The following PIEZO2 variants were observed in gnomAD, a reference collection of about 807,000 sequenced individuals.
The protein encoded by PIEZO2 is piezo-type mechanosensitive ion channel component 2.
In PIEZO2, 172 loss-of-function variants were observed where a neutral mutation model predicts 337.3. That is an observed-to-expected ratio of 0.51 (90% CI 0.45 to 0.58). PIEZO2 has a LOEUF of 0.58. PIEZO2 is among the 20% of genes least tolerant of loss of function. The pLI is 0.00. For missense variants in PIEZO2, 3,028 were observed against 3,391.3 expected (o/e 0.89, Z 2.66); for synonymous variants, 1,251 against 1,228.5 (o/e 1.02, Z -0.38).
chr18:10,835,746 G>C (rs1160680063), intron 7 of PIEZO2, among the ~76,000 whole-genome samples: 1 of 152,234 alleles, frequency 6.6e-6, no homozygotes, highest in Non-Finnish European at 1.5e-5. Context: ...ATTTCGCCAT[G>C]TTGGCCAGGC....
In PIEZO2 at chr18:11,016,510, C is replaced by G. The variant is rs983445553; in HGVS notation, c.161-36850G>C. ...TGGGTATGAGGGGGGTCGGGTTAAG[C>G]GGCTTAACAAAGAGGTGTGCCCGAG... On this transcript the variant is annotated intron_variant, in intron 2 of 55. Transcript: ENST00000674853. This position sits in a 1 kb window ranked among gnomAD's most constrained non-coding sequence, Gnocchi z 5.6. Among the ~76,000 whole-genome samples, 3 of 152,070 alleles carry G rather than the reference C, an allele frequency of 2.0e-5. No individual in the cohort carries two copies. The highest frequency in any genetic ancestry group is 7.2e-5 in the African/African-American group (3 of 41,410).
rs2033382098 is a variant in PIEZO2, at chr18:10,953,420, T to G, written c.286+26115A>C. Among the ~76,000 whole-genome samples the G allele has an allele frequency of 6.6e-6, 1 of 152,218 alleles. No homozygotes were observed. The highest frequency in any genetic ancestry group is 2.4e-5 in the African/African-American group (1 of 41,460). On this transcript the variant is annotated intron_variant, in intron 3 of 55. Coordinates refer to ENST00000674853, the MANE Select transcript of PIEZO2 (RefSeq NM_001378183.1). This position sits in a 1 kb window ranked among gnomAD's most constrained non-coding sequence, Gnocchi z 5.2. Reference sequence around the variant, plus strand: ...TATGATTTGTTTTGAGTTAATTAATTTTTGTATATGGAGCAAATTAAGAAT... The same window carrying G: ...TATGATTTGTTTTGAGTTAATTAATGTTTGTATATGGAGCAAATTAAGAAT...
chr18:10,818,216 T>G (rs1196674868), intron 7 of PIEZO2, among the ~76,000 whole-genome samples: 1 of 152,148 alleles, frequency 6.6e-6, no homozygotes, highest in Non-Finnish European at 1.5e-5. Flanking sequence ...AGATTAGATA[T>G]AAGAAATTTC....
At chr18:10,761,866 A>G (rs2038149123) in intron 23 of PIEZO2, among the ~76,000 whole-genome samples, 1 of 152,258 alleles carries the variant, frequency 6.6e-6, no homozygotes. Flanking sequence ...CATGATTAGG[A>G]CTGCTCAGAT....
At chr18:10,972,167 C>T (rs1280702500) in intron 3 of PIEZO2, among the ~76,000 whole-genome samples, 6 of 117,594 alleles carry the variant, frequency 5.1e-5, no homozygotes, top group East Asian at 2.2e-4. Flanking sequence ...AGCGAGACTC[C>T]GCCTCAAAAA....
At chr18:10,683,579 C>T (rs1388291708) in intron 49 of PIEZO2, among the ~76,000 whole-genome samples, 1 of 152,114 alleles carries the variant, frequency 6.6e-6, no homozygotes, top group Non-Finnish European at 1.5e-5. Flanking sequence ...TCCCGATTTT[C>T]TATATTGAAA....
Position 10,943,485 on chromosome 18 carries a change from G to A in PIEZO2, c.287-32257C>T, listed in dbSNP as rs926050472. On this transcript the variant is annotated intron_variant, in intron 3 of 55. Coordinates refer to ENST00000674853, the MANE Select transcript of PIEZO2 (RefSeq NM_001378183.1). The surrounding 1 kb of genome is among the most constrained non-coding windows in gnomAD (Gnocchi z 4.5). ...CCCTGCTGGATTTCAGACTTGCATGGGGCCTGTAGCACCTTAGTTTTGGCC... is the reference window on the plus strand; with the variant it reads ...CCCTGCTGGATTTCAGACTTGCATGAGGCCTGTAGCACCTTAGTTTTGGCC... Among the ~76,000 whole-genome samples, 1 of 152,166 alleles carries A rather than the reference G, an allele frequency of 6.6e-6. No individual in the cohort carries two copies. Among genetic ancestry groups the A allele is most frequent in the African/African-American group, 2.4e-5 (1 of 41,436 alleles).
chr18:11,103,806 TGTGC>T (rs1402951321), intron 1 of PIEZO2, among the ~76,000 whole-genome samples: 36 of 144,006 alleles, frequency 2.5e-4, no homozygotes, highest in African/African-American at 8.7e-4. Flanking sequence ...TGTGTGTGTG[TGTGC>T]GTGTGTGCGT....
chr18:11,060,427 T>G (rs558784475), intron 2 of PIEZO2, among the ~76,000 whole-genome samples: 29 of 151,982 alleles, frequency 1.9e-4, no homozygotes, highest in African/African-American at 6.8e-4. Context: ...CTGAAGGAGA[T>G]AGAGACCAAA....
intron 18 of PIEZO2, among the ~76,000 whole-genome samples, chr18:10,774,998 C>T (rs1253883503): frequency 6.6e-6 from 1 of 152,054 alleles, no homozygotes; most frequent in Non-Finnish European, 1.5e-5. Flanking sequence ...GTAAACATGC[C>T]TATCATTTTG....
At chr18:10,763,145 A>G in intron 21 of PIEZO2, 47 bp from the exon 22 acceptor site, 2 of 1,509,198 alleles carry the variant, frequency 1.3e-6, no homozygotes, top group Non-Finnish European at 1.8e-6. Context: ...GTAACACGGC[A>G]TAACAAACAG....
At chr18:10,924,237 T>G (rs1475868380) in intron 3 of PIEZO2, among the ~76,000 whole-genome samples, 1 of 152,228 alleles carries the variant, frequency 6.6e-6, no homozygotes, top group East Asian at 1.9e-4. Context: ...CTTTTTAATT[T>G]GGCGCACCGT....
In PIEZO2 at chr18:10,727,964, A is replaced by T. The variant is rs1419716276; in HGVS notation, c.5029+3443T>A. 1 of 152,146 alleles carries T rather than the reference A, an allele frequency of 6.6e-6. No individual in the cohort carries two copies. Among genetic ancestry groups the T allele is most frequent in the East Asian group, 1.9e-4 (1 of 5,188 alleles). The allele number at this position is 152,146 out of a possible 1,614,324, so 9.4% of individuals were successfully genotyped here. A position where few individuals can be genotyped will look rare whatever the true frequency, so the allele number is the denominator to read the frequency against. On this transcript the variant is annotated intron_variant, in intron 36 of 55. Transcript: ENST00000674853. The surrounding 1 kb of genome is among the most constrained non-coding windows in gnomAD (Gnocchi z 6.3). ...ATTAAAACAGTAATAACAAAAAAAA[A>T]AAAGAAAAAAGAAAAAAAGGGATAA... is the stretch of plus-strand genomic sequence containing the variant.
chr18:10,706,903 C>T (rs2035609756), intron 40 of PIEZO2, among the ~76,000 whole-genome samples: 1 of 152,150 alleles, frequency 6.6e-6, no homozygotes, highest in African/African-American at 2.4e-5. Context: ...CACTGAGATT[C>T]TCAAATGCAT....
In PIEZO2 at chr18:10,670,653, G is replaced by A. The variant is rs2033730141; in HGVS notation, c.*874C>T. 1 of 152,316 alleles carries A rather than the reference G, an allele frequency of 6.6e-6. No individual in the cohort carries two copies. Among genetic ancestry groups the A allele is most frequent in the African/African-American group, 2.4e-5 (1 of 41,428 alleles). 9.4% of individuals were successfully genotyped at this position (152,316 alleles called of 1,614,324 possible). On this transcript the variant is annotated 3_prime_UTR_variant, in exon 56 of 56. Transcript: ENST00000674853. ...ATGGGAAAAAGCACGTTAAGGGAAGGGGAAGGCAGAAGAGCGGTCCTGACC... is the reference window on the plus strand; with the variant it reads ...ATGGGAAAAAGCACGTTAAGGGAAGAGGAAGGCAGAAGAGCGGTCCTGACC...
chr18:10,788,960 T>A, intron 15 of PIEZO2, 119 bp downstream of exon 15: 1 of 1,161,632 alleles, frequency 8.6e-7, no homozygotes, highest in Admixed American at 3.1e-5. Flanking sequence ...GATGTTTGAA[T>A]CTTGCCAATC....
Position 11,001,220 on chromosome 18 carries a change from A to G in PIEZO2, c.161-21560T>C, listed in dbSNP as rs756407722. On this transcript the variant is annotated intron_variant, in intron 2 of 55. Transcript: ENST00000674853. This position sits in a 1 kb window ranked among gnomAD's most constrained non-coding sequence, Gnocchi z 5.3. ...TCCTGAAGGCAGGGCTGCCGCTAGC[A>G]TATGGTCTCCAGCTCAGAAGGTACT... 6.6e-6 allele frequency among the ~76,000 whole-genome samples: 1 copy of G among 152,158 alleles called. No individual in the cohort carries two copies. The highest frequency in any genetic ancestry group is 1.5e-5 in the Non-Finnish European group (1 of 68,028).
chr18:10,976,999 A>AT (rs1491283264), intron 3 of PIEZO2, among the ~76,000 whole-genome samples: 1 of 50,250 alleles, frequency 2.0e-5, no homozygotes, highest in South Asian at 8.4e-4. Flanking sequence ...GCAAGAACAA[A>AT]TATGTGTGTG....
At chr18:11,124,970 A>C (rs1448387631) in intron 1 of PIEZO2, among the ~76,000 whole-genome samples, 1 of 152,182 alleles carries the variant, frequency 6.6e-6, no homozygotes, top group Non-Finnish European at 1.5e-5. Context: ...TACTAGACTC[A>C]AATTAAGTCC....
Sources: gnomAD v4.1 joint callset for allele counts (sites outside exome capture counted in the v4.1 genomes callset) on GRCh38, gnomAD v4.1.1 for gene constraint, Gnocchi (gnomAD v3.1) non-coding constraint, MANE v1.5 for transcripts, NCBI Gene and HGNC (gene_info 2026-07-23, HGNC 2026-07-21) for gene names.